PKHD1L1: variants seen among roughly 807,000 people sequenced by gnomAD.
PKHD1L1 encodes the protein fibrocystin-L.
PKHD1L1 carries 434 observed loss-of-function variants against 462.9 expected under a neutral mutation model. The ratio of observed to expected loss-of-function variants is 0.94; its 90% CI spans 0.87 to 1.02. The LOEUF is 1.02. Ranked by LOEUF, PKHD1L1 falls within the 50% of genes least tolerant of loss-of-function variation. The pLI, the probability that PKHD1L1 is intolerant of heterozygous loss-of-function variation, is 0.00. For missense variants in PKHD1L1, 5,202 were observed against 5,096.1 expected, an observed-to-expected ratio of 1.02 and a Z score of -0.63; for synonymous variants, 1,781 against 1,750.0, an observed-to-expected ratio of 1.02 and a Z score of -0.44.
chr8:109,402,015 G>T (rs1232373427), intron 14 of PKHD1L1, among the ~76,000 whole-genome samples: 1 of 152,108 alleles, frequency 6.6e-6, no homozygotes, highest in Admixed American at 6.6e-5. Context: ...CCCTGGGCCA[G>T]GTACTGGAAA....
chr8:109,390,565 G>C, intron 9 of PKHD1L1, 71 bp downstream of exon 9: 1 of 915,950 alleles, frequency 1.1e-6, no homozygotes. Context: ...TGTATATTTA[G>C]TTTGTGCTGT....
At chr8:109,406,944 AAG>A (rs1321623093) in intron 17 of PKHD1L1, among the ~76,000 whole-genome samples, 1 of 152,088 alleles carries the variant, frequency 6.6e-6, no homozygotes, top group East Asian at 1.9e-4. Context: ...AAAAAGGAAA[AAG>A]AAAAAAATCA....
In PKHD1L1 at chr8:109,531,495, G is replaced by T. The variant is rs542062434; in HGVS notation, c.*1405G>T. ...AGAGACAGAGAGGGAGGGGGAGAGA[G>T]AGATAGATAGAGAGAGAGAGAAAGC... On this transcript the variant is annotated 3_prime_UTR_variant, in exon 78 of 78. Transcript: ENST00000378402. Among the ~76,000 whole-genome samples, 6 of 152,086 alleles carry T rather than the reference G, an allele frequency of 3.9e-5. No individual in the cohort carries two copies. Among genetic ancestry groups the T allele is most frequent in the Non-Finnish European group, 5.9e-5 (4 of 68,010 alleles).
In PKHD1L1 at chr8:109,448,221, A is replaced by G; in HGVS notation, c.5855A>G (p.Asn1952Ser). 7 of 1,613,526 alleles carry G rather than the reference A, an allele frequency of 4.3e-6. No individual in the cohort carries two copies. The highest frequency in any genetic ancestry group is 5.9e-6 in the Non-Finnish European group (7 of 1,179,750). The change falls in exon 39 of 78, where the codon AAC becomes AGC. Residue 1952 changes from asparagine to serine, a missense_variant. Around this residue, in one of 3 missense-constraint regions of PKHD1L1, gnomAD observed 4,497 missense variants for 4,336.8 expected, o/e 1.04. Coordinates refer to ENST00000378402, the MANE Select transcript of PKHD1L1 (RefSeq NM_177531.6). The part of the protein sequence containing the change: ...EILEISVMIN[N>S]IQCNVTMAND... Reference sequence around the variant, plus strand: ...TTGGAAATCTCCGTGATGATAAATAACATTCAGTGTAATGTAACCATGGCC... The same window carrying G: ...TTGGAAATCTCCGTGATGATAAATAGCATTCAGTGTAATGTAACCATGGCC...
rs775392361 is a variant in PKHD1L1 at position 109,400,187 on chromosome 8, A to T, written c.1124A>T (p.Asp375Val). ...GGGTACATGGGTGCCAGTTGGGTAG[A>T]TTCAGCTTCCTATATTTGGCTCATG... ...TPGYMGASWV[D>V]SASYIWLMEQ... The change falls in exon 13 of 78, where the codon GAT becomes GTT. Residue 375 changes from aspartate (D) to valine (V), a missense_variant. Around this residue, in one of 3 missense-constraint regions of PKHD1L1, gnomAD observed 4,497 missense variants for 4,336.8 expected, o/e 1.04. Coordinates refer to ENST00000378402, the MANE Select transcript of PKHD1L1 (RefSeq NM_177531.6). The T allele has an allele frequency of 6.2e-6, 10 of 1,613,602 alleles. No homozygotes were observed. Among genetic ancestry groups the T allele is most frequent in the Non-Finnish European group, 8.5e-6 (10 of 1,179,724 alleles).
chr8:109,387,823 TG>T (rs750065631), intron 6 of PKHD1L1, among the ~76,000 whole-genome samples: 1 of 152,206 alleles, frequency 6.6e-6, no homozygotes, highest in Non-Finnish European at 1.5e-5. Flanking sequence ...TGGGATTTGC[TG>T]TCCCAAAAGC....
chr8:109,496,107 C>T (rs922411974), intron 63 of PKHD1L1, among the ~76,000 whole-genome samples: 4 of 152,122 alleles, frequency 2.6e-5, no homozygotes, highest in African/African-American at 9.7e-5. Flanking sequence ...AATGCATACA[C>T]CAATTGTTAA....
chr8:109,438,448 C>A lies in PKHD1L1; in HGVS notation c.3752C>A (p.Thr1251Lys), dbSNP rs912378806. ...IITDFSPKVR[T>K]ILGEVNLTIK... ...ACTGATTTTAGTCCAAAAGTACGAA[C>A]AATACTAGGTAAGAAATTCTTCAAT... Residue 1251 changes from threonine to lysine, a missense_variant, in exon 31 of 78, where the codon ACA (threonine) becomes AAA (lysine). This residue lies in a region of PKHD1L1 where 4,497 missense variants were observed against 4,336.8 expected (regional missense o/e 1.04). Transcript: ENST00000378402. 10 of 1,539,410 alleles carry A rather than the reference C, an allele frequency of 6.5e-6. No individual in the cohort carries two copies. In the African/African-American group the frequency reaches 8.3e-5, roughly 13 times the overall value.
chr8:109,435,910 AG>A (rs1357363644), intron 29 of PKHD1L1, among the ~76,000 whole-genome samples: 2 of 152,030 alleles, frequency 1.3e-5, no homozygotes, highest in Non-Finnish European at 2.9e-5. Context: ...TTATTTTTAA[AG>A]TTTAGTTTTC....
intron 39 of PKHD1L1, 72 bp from the exon 40 acceptor site, chr8:109,449,266 G>T (rs1816344501): frequency 5.8e-6 from 8 of 1,380,496 alleles, no homozygotes; most frequent in Admixed American, 2.9e-5. Context: ...TAAAATAAAG[G>T]TAAAAAATAT....
chr8:109,486,778 C>T lies in PKHD1L1; in HGVS notation c.9837C>T (p.Arg3279=), dbSNP rs376305342. Residue 3279 remains arginine (R), a synonymous_variant, in exon 59 of 78, where the codon CGC becomes CGT. Transcript: ENST00000378402. ...PGWSEDSFGA[R]VLVGSFTENM... is the part of the protein sequence containing the mutation. ...GGTCTGAGGACTCTTTTGGAGCACG[C>T]GTACTGGTTGGCTCATTCACTGAAA... 5.0e-5 allele frequency: 80 copies of T among 1,611,984 alleles called. No homozygotes were observed. Among genetic ancestry groups the T allele is most frequent in the African/African-American group, 1.2e-4 (9 of 74,728 alleles).
At chr8:109,459,926 A>G (rs1187524220) in intron 47 of PKHD1L1, 90 bp downstream of exon 47, 2 of 1,103,956 alleles carry the variant, frequency 1.8e-6, no homozygotes, top group African/African-American at 3.2e-5. Context: ...ATTTCAATGT[A>G]TTTCATTGTA....
chr8:109,497,607 T>C (rs1819178602), intron 65 of PKHD1L1, among the ~76,000 whole-genome samples: 1 of 152,044 alleles, frequency 6.6e-6, no homozygotes, highest in Non-Finnish European at 1.5e-5. Context: ...TTTATATTTT[T>C]AGTAGAGATG....
intron 50 of PKHD1L1, among the ~76,000 whole-genome samples, chr8:109,467,406 CA>C (rs1817505956): frequency 6.7e-6 from 1 of 149,754 alleles, no homozygotes; most frequent in Non-Finnish European, 1.5e-5. Context: ...CCCTTCCCCC[CA>C]CTGCCCCGCC....
intron 73 of PKHD1L1, 150 bp from the exon 74 acceptor site, chr8:109,522,036 A>C (rs1820576723): frequency 4.8e-6 from 3 of 621,424 alleles, no homozygotes; most frequent in Non-Finnish European, 2.5e-6. Flanking sequence ...CATTAATATG[A>C]CTGCTGTGTT....
intron 49 of PKHD1L1, among the ~76,000 whole-genome samples, chr8:109,466,166 A>T (rs1471918092): frequency 6.6e-6 from 1 of 152,230 alleles, no homozygotes; most frequent in African/African-American, 2.4e-5. Context: ...TGCCTTTGAT[A>T]TATAAAGCTT....
chr8:109,456,485 G>A (rs887647424), intron 46 of PKHD1L1, 94 bp downstream of exon 46: 12 of 1,224,000 alleles, frequency 9.8e-6, no homozygotes, highest in Middle Eastern at 2.7e-4. Flanking sequence ...TGACTATTTG[G>A]TTTAAACTTG....
rs1218351356 is a variant in PKHD1L1 at position 109,499,179 on chromosome 8, ATCT to A, written c.10828+412_10828+414del. On this transcript the variant is annotated intron_variant, in intron 67 of 77. Coordinates refer to ENST00000378402, the MANE Select transcript of PKHD1L1 (RefSeq NM_177531.6). The stretch of plus-strand genomic sequence containing the variant: ...TGGCACAGCTAGGATTAGAATCAAA[ATCT>A]TCTGATTCAAACTCCACTGCTCTTT... The A allele has an allele frequency of 1.8e-5, 3 of 163,044 alleles. No homozygotes were observed. In the East Asian group the frequency reaches 5.3e-4, roughly 29 times the overall value. 10.1% of individuals were successfully genotyped at this position (163,044 alleles called of 1,614,324 possible). A position where few individuals can be genotyped will look rare whatever the true frequency, so the allele number is the denominator to read the frequency against.
chr8:109,448,327 C>T lies in PKHD1L1; in HGVS notation c.5961C>T (p.Gly1987=). ...FPVMMHHKTK[G]SAMSTVVFEY... ...TTATGATGCATCATAAGACAAAAGGCTCAGCCATGTCCACAGTTGTATTTG... is the reference window on the plus strand; with the variant it reads ...TTATGATGCATCATAAGACAAAAGGTTCAGCCATGTCCACAGTTGTATTTG... The change falls in exon 39 of 78, where the codon GGC becomes GGT. Residue 1987 remains glycine, a synonymous_variant. Coordinates refer to ENST00000378402, the MANE Select transcript of PKHD1L1 (RefSeq NM_177531.6). 6.2e-7 allele frequency: 1 copy of T among 1,613,486 alleles called. No individual in the cohort carries two copies. Among genetic ancestry groups the T allele is most frequent in the Non-Finnish European group, 8.5e-7 (1 of 1,179,702 alleles).
Sources: gnomAD v4.1 joint callset for allele counts (sites outside exome capture counted in the v4.1 genomes callset) on GRCh38, gnomAD v4.1.1 for gene constraint, gnomAD v4.1.1 regional missense constraint, MANE v1.5 for transcripts, NCBI Gene and HGNC (gene_info 2026-07-23, HGNC 2026-07-21) for gene names.